Variants in PRIM2 observed in about 807,000 individuals in gnomAD.
The protein encoded by PRIM2 is DNA primase subunit 2, also known as DNA primase large subunit.
PRIM2 carries 39 observed loss-of-function variants against 67.3 expected under a neutral mutation model. That is an observed-to-expected ratio of 0.58 (90% CI 0.45 to 0.76). The LOEUF is 0.76. PRIM2 is among the 30% of genes least tolerant of loss of function. PRIM2 has a pLI of 0.00. For synonymous variants in PRIM2, 143 were observed against 198.7 expected, an observed-to-expected ratio of 0.72 and a Z score of 2.36; for missense variants, 398 against 598.7, an observed-to-expected ratio of 0.66 and a Z score of 3.50.
intron 10 of PRIM2, among the ~76,000 whole-genome samples, chr6:57,543,246 T>G (rs1775214033): frequency 6.6e-6 from 1 of 152,128 alleles, no homozygotes; most frequent in South Asian, 2.1e-4. Flanking sequence ...GCCAGGATAT[T>G]TTTTAGGATG....
chr6:57,359,827 G>A lies in PRIM2; in HGVS notation c.460-20074G>A, dbSNP rs200283924. On this transcript the variant is annotated intron_variant, in intron 5 of 13. Coordinates refer to ENST00000615550, the MANE Select transcript of PRIM2 (RefSeq NM_000947.5). ...CAGATTACTTAGAAGGGACAGAAATGGGAAAATTGTTGATAAATGCTTTTC... is the reference window on the plus strand; with the variant it reads ...CAGATTACTTAGAAGGGACAGAAATAGGAAAATTGTTGATAAATGCTTTTC... Among the ~76,000 whole-genome samples the A allele has an allele frequency of 2.1e-3, 313 of 152,292 alleles. 1 individual carries two copies. Among genetic ancestry groups the A allele is most frequent in the African/African-American group, 7.3e-3 (302 of 41,546 alleles).
At chr6:57,478,312 G>A (rs1480545923) in intron 7 of PRIM2, among the ~76,000 whole-genome samples, 1 of 148,532 alleles carries the variant, frequency 6.7e-6, no homozygotes, top group African/African-American at 2.5e-5. Context: ...TTTATTAGTT[G>A]TTGTTGTGGT....
chr6:57,251,111 A>G, the PRIM2 span, among the ~76,000 whole-genome samples: 1 of 152,094 alleles, frequency 6.6e-6, no homozygotes, highest in Admixed American at 6.5e-5. Flanking sequence ...TCCTACCCCC[A>G]AACTCAGGCT....
At chr6:57,269,555 A>C in the PRIM2 span, among the ~76,000 whole-genome samples, 2 of 152,166 alleles carry the variant, frequency 1.3e-5, no homozygotes, top group African/African-American at 4.8e-5. Flanking sequence ...AGTAGATTGC[A>C]AAAATTTTCT....
chr6:57,434,164 A>G (rs1389623100), intron 7 of PRIM2, among the ~76,000 whole-genome samples: 2 of 152,002 alleles, frequency 1.3e-5, no homozygotes, highest in African/African-American at 4.8e-5. Context: ...ACCTCAGGTG[A>G]TCTACCCGCC....
intron 7 of PRIM2, among the ~76,000 whole-genome samples, chr6:57,409,093 A>G (rs544841639): frequency 2.0e-5 from 3 of 151,882 alleles, no homozygotes; most frequent in East Asian, 1.9e-4. Context: ...CTAGTCCCCA[A>G]TTCAAATGTC....
At chr6:57,328,386 C>T (rs1767945373) in intron 5 of PRIM2, among the ~76,000 whole-genome samples, 1 of 152,154 alleles carries the variant, frequency 6.6e-6, no homozygotes, top group Admixed American at 6.5e-5. Context: ...CAACCACTAA[C>T]CTGCTTTCTG....
intron 10 of PRIM2, among the ~76,000 whole-genome samples, chr6:57,569,964 G>A (rs1243008757): frequency 1.3e-5 from 2 of 152,038 alleles, no homozygotes; most frequent in Non-Finnish European, 2.9e-5. Flanking sequence ...GGATGGTCTC[G>A]ATCTCTTGAC....
chr6:57,605,121 C>G (rs1248562529), intron 11 of PRIM2, among the ~76,000 whole-genome samples: 2 of 152,148 alleles, frequency 1.3e-5, no homozygotes. Context: ...GAAATAAAGC[C>G]TATTTGATCA....
intron 7 of PRIM2, among the ~76,000 whole-genome samples, chr6:57,417,511 A>G (rs1311239462): frequency 6.6e-6 from 1 of 152,174 alleles, no homozygotes; most frequent in Non-Finnish European, 1.5e-5. Context: ...ACTAATTTCA[A>G]TATTATTGTT....
At position 57,343,674 on chromosome 6, in the gene PRIM2, C is replaced by T. The variant is rs577551877; in HGVS notation, c.459+17629C>T. ...AAGAGTGAAGTGGGATGGTAAAACA[C>T]ACACTCTCAAACACTCTTAGTGGAA... On this transcript the variant is annotated intron_variant, in intron 5 of 13. Coordinates refer to ENST00000615550, the MANE Select transcript of PRIM2 (RefSeq NM_000947.5). Among the ~76,000 whole-genome samples, 948 of 152,196 alleles carry T rather than the reference C, an allele frequency of 6.2e-3. 36 individuals are homozygous for T. The highest frequency in any genetic ancestry group is 0.056 in the Admixed American group (860 of 15,278).
At chr6:57,469,628 A>T (rs1367210665) in intron 7 of PRIM2, among the ~76,000 whole-genome samples, 21 of 152,216 alleles carry the variant, frequency 1.4e-4, no homozygotes, top group African/African-American at 5.1e-4. Flanking sequence ...CCCTTGATTC[A>T]GAATAAGCAA....
intron 10 of PRIM2, among the ~76,000 whole-genome samples, chr6:57,543,088 C>T (rs1433307268): frequency 4.7e-5 from 7 of 148,532 alleles, no homozygotes; most frequent in East Asian, 3.9e-4. Context: ...TACAGGCGCC[C>T]GCCACCTCGC....
the PRIM2 span, among the ~76,000 whole-genome samples, chr6:57,233,861 C>G: frequency 6.6e-6 from 1 of 152,120 alleles, no homozygotes; most frequent in Non-Finnish European, 1.5e-5. Context: ...CAGGATCTCA[C>G]AATGTTGCCC....
chr6:57,520,200 T>G (rs1554348756), intron 8 of PRIM2, among the ~76,000 whole-genome samples: 2 of 152,196 alleles, frequency 1.3e-5, no homozygotes, highest in Admixed American at 6.5e-5. Context: ...GTGGCAGTTA[T>G]TGGGGAACAA....
chr6:57,301,941 C>T, the PRIM2 span, among the ~76,000 whole-genome samples: 1 of 152,210 alleles, frequency 6.6e-6, no homozygotes, highest in Non-Finnish European at 1.5e-5. Flanking sequence ...AACTCTGGTT[C>T]TGCTTTTCTT....
At chr6:57,494,794 T>C (rs1161458607) in intron 7 of PRIM2, among the ~76,000 whole-genome samples, 18 of 152,318 alleles carry the variant, frequency 1.2e-4, no homozygotes, top group African/African-American at 4.3e-4. Context: ...CTCAATAATA[T>C]TAAATGAGTT....
At chr6:57,593,318 TGAGATGGGAG>T in intron 10 of PRIM2, among the ~76,000 whole-genome samples, 1 of 151,850 alleles carries the variant, frequency 6.6e-6, no homozygotes, top group Non-Finnish European at 1.5e-5. Context: ...TTTTTTTTTT[TGAGATGGGAG>T]TTTCGCTTTT....
At chr6:57,603,917 A>C (rs2127492260) in intron 11 of PRIM2, among the ~76,000 whole-genome samples, 1 of 152,128 alleles carries the variant, frequency 6.6e-6, no homozygotes, top group African/African-American at 2.4e-5. Flanking sequence ...TGTATTCCTA[A>C]ATATTTTATT....
Sources: allele counts gnomAD v4.1 joint callset (sites outside exome capture counted in the v4.1 genomes callset), GRCh38; gene constraint gnomAD v4.1.1; transcripts MANE v1.5; gene names NCBI Gene and HGNC (gene_info 2026-07-23, HGNC 2026-07-21).